SGIP1: variants seen among roughly 807,000 people sequenced by gnomAD.
SGIP1 encodes the protein SH3-containing GRB2-like protein 3-interacting protein 1.
In SGIP1, 38 loss-of-function variants were observed where a neutral mutation model predicts 107.5. That is an observed-to-expected ratio of 0.35 (90% CI 0.27 to 0.46). SGIP1 has a LOEUF of 0.46. Among genes scored for constraint, SGIP1 ranks in the 20% least tolerant of loss-of-function variants. The pLI is 1.00. For synonymous variants in SGIP1, 365 were observed against 366.1 expected, an observed-to-expected ratio of 1.00 and a Z score of 0.03; for missense variants, 929 against 1,019.5, an observed-to-expected ratio of 0.91 and a Z score of 1.21.
chr1:66,538,044 T>C (rs1310987626), intron 1 of SGIP1, among the ~76,000 whole-genome samples: 1 of 152,200 alleles, frequency 6.6e-6, no homozygotes, highest in African/African-American at 2.4e-5. Flanking sequence ...TTTAACTTCT[T>C]ATTAATGCCT....
chr1:66,662,054 T>C (rs1042303841), intron 8 of SGIP1, among the ~76,000 whole-genome samples: 2 of 152,250 alleles, frequency 1.3e-5, no homozygotes, highest in Non-Finnish European at 2.9e-5. Flanking sequence ...ACTTGTAATA[T>C]GTAGTCGACC....
At chr1:66,606,099 T>A (rs963631267) in intron 1 of SGIP1, among the ~76,000 whole-genome samples, 1 of 152,140 alleles carries the variant, frequency 6.6e-6, no homozygotes, top group Non-Finnish European at 1.5e-5. Flanking sequence ...AAAATAGGCA[T>A]TATGTAGTAG....
chr1:66,642,363 G>A (rs963955468), intron 5 of SGIP1, among the ~76,000 whole-genome samples: 1 of 152,146 alleles, frequency 6.6e-6, no homozygotes, highest in Non-Finnish European at 1.5e-5. Context: ...GACCCATAAA[G>A]ACCTCCCTGA....
At chr1:66,667,623 T>A in intron 9 of SGIP1, 82 bp downstream of exon 9, 1 of 1,250,164 alleles carries the variant, frequency 8.0e-7, no homozygotes, top group Non-Finnish European at 1.2e-6. Flanking sequence ...GGTTTCCCAT[T>A]AAATTTATGA....
intron 12 of SGIP1, among the ~76,000 whole-genome samples, chr1:66,675,753 C>A (rs137887087): frequency 6.6e-6 from 1 of 151,444 alleles, no homozygotes; most frequent in Non-Finnish European, 1.5e-5. Flanking sequence ...CAGCTGGTCT[C>A]GAACTCCTGG....
intron 1 of SGIP1, among the ~76,000 whole-genome samples, chr1:66,591,792 A>C (rs763907141): frequency 1.3e-5 from 2 of 152,202 alleles, no homozygotes; most frequent in Non-Finnish European, 2.9e-5. Flanking sequence ...TGGCAGGACT[A>C]TAGGGTAATG....
intron 19 of SGIP1, among the ~76,000 whole-genome samples, chr1:66,726,664 C>A (rs2093772253): frequency 6.6e-6 from 1 of 152,164 alleles, no homozygotes; most frequent in South Asian, 2.1e-4. Flanking sequence ...AAAAATGATG[C>A]TGAAACAACT....
At chr1:66,626,518 A>G (rs552949810) in intron 2 of SGIP1, among the ~76,000 whole-genome samples, 1 of 152,228 alleles carries the variant, frequency 6.6e-6, no homozygotes, top group African/African-American at 2.4e-5. Context: ...GCCCACAGAC[A>G]CTGATAGACT....
intron 1 of SGIP1, among the ~76,000 whole-genome samples, chr1:66,551,343 C>A (rs944368172): frequency 1.3e-5 from 2 of 152,230 alleles, no homozygotes; most frequent in South Asian, 2.1e-4. Flanking sequence ...CTATTTCCAC[C>A]TTTTGCTTAA....
chr1:66,635,857 C>T (rs886357681), intron 3 of SGIP1, 87 bp from the exon 4 acceptor site: 4 of 1,351,858 alleles, frequency 3.0e-6, no homozygotes, highest in Non-Finnish European at 3.1e-6. Flanking sequence ...GGTATGTTTG[C>T]TGACTCCATG....
intron 9 of SGIP1, among the ~76,000 whole-genome samples, chr1:66,670,479 C>G (rs1436322405): frequency 2.0e-5 from 3 of 152,192 alleles, no homozygotes; most frequent in African/African-American, 7.2e-5. Context: ...ACAGTTCATT[C>G]AATGGCAGAT....
At chr1:66,556,040 G>A (rs950728555) in intron 1 of SGIP1, among the ~76,000 whole-genome samples, 2 of 152,098 alleles carry the variant, frequency 1.3e-5, no homozygotes, top group African/African-American at 2.4e-5. Context: ...GCAAAACACA[G>A]GAAAATATTG....
At chr1:66,737,372 C>T (rs116656127) in intron 21 of SGIP1, among the ~76,000 whole-genome samples, 2,253 of 152,076 alleles carry the variant, frequency 0.015, 59 homozygotes, top group African/African-American at 0.051. Flanking sequence ...TCACCTATTG[C>T]AGTATGAGCT....
chr1:66,557,679 A>G (rs1164207055), intron 1 of SGIP1, among the ~76,000 whole-genome samples: 1 of 152,160 alleles, frequency 6.6e-6, no homozygotes, highest in Non-Finnish European at 1.5e-5. Context: ...TCATGTGGAG[A>G]GAAATAGGTA....
intron 1 of SGIP1, among the ~76,000 whole-genome samples, chr1:66,569,405 C>G (rs1488720885): frequency 4.0e-5 from 6 of 151,720 alleles, no homozygotes; most frequent in Admixed American, 3.9e-4. Flanking sequence ...TGGTTCTCCT[C>G]TATTCCTAGT....
chr1:66,614,932 G>T (rs1321802004), intron 1 of SGIP1, among the ~76,000 whole-genome samples: 2 of 143,924 alleles, frequency 1.4e-5, no homozygotes, highest in Non-Finnish European at 1.5e-5. Flanking sequence ...TGATTCTCCT[G>T]CCTCAGCCTC....
chr1:66,678,741 G>A (rs1250655740), intron 13 of SGIP1, among the ~76,000 whole-genome samples: 1 of 152,116 alleles, frequency 6.6e-6, no homozygotes, highest in Non-Finnish European at 1.5e-5. Flanking sequence ...AGGGAGGAAT[G>A]ACAGAAAAAG....
chr1:66,573,400 G>A (rs1018112869), intron 1 of SGIP1, among the ~76,000 whole-genome samples: 7 of 152,034 alleles, frequency 4.6e-5, no homozygotes, highest in Admixed American at 1.3e-4. Context: ...CAGCAATCTC[G>A]TTACTGGGTA....
intron 18 of SGIP1, among the ~76,000 whole-genome samples, chr1:66,700,873 C>T (rs2091804189): frequency 6.6e-6 from 1 of 151,956 alleles, no homozygotes; most frequent in Non-Finnish European, 1.5e-5. Flanking sequence ...TCCACTAATC[C>T]AGGTGGAGAT....
Sources: gnomAD v4.1 joint callset for allele counts (sites outside exome capture counted in the v4.1 genomes callset) on GRCh38, gnomAD v4.1.1 for gene constraint, MANE v1.5 for transcripts, NCBI Gene and HGNC (gene_info 2026-07-23, HGNC 2026-07-21) for gene names.